ZFP64: variants seen among roughly 807,000 people sequenced by gnomAD.
The protein encoded by ZFP64 is ZFP64 zinc finger protein, also known as zinc finger protein 64.
Under a neutral mutation model 51.6 loss-of-function variants are expected in ZFP64, and 14 were observed. The observed-to-expected ratio is 0.27, with a 90% CI of 0.18 to 0.42. The LOEUF (loss-of-function observed/expected upper bound fraction) is 0.42, where lower values mean the gene tolerates loss of function less well. Among genes scored for constraint, ZFP64 ranks in the 10% least tolerant of loss-of-function variants. The pLI is 1.00. For synonymous variants in ZFP64, 375 were observed against 361.4 expected, an observed-to-expected ratio of 1.04 and a Z score of -0.43; for missense variants, 754 against 906.8, an observed-to-expected ratio of 0.83 and a Z score of 2.16.
At position 52,153,128 on chromosome 20, in the gene ZFP64, T is replaced by A; in HGVS notation, c.1064A>T (p.Lys355Met). The change falls in exon 6 of 6, where the codon AAG (lysine) becomes ATG (methionine). Residue 355 changes from lysine to methionine, a missense_variant. Lys to Met is a moderately conservative substitution (Grantham distance 95). Coordinates refer to ENST00000216923, the MANE Select transcript of ZFP64 (RefSeq NM_018197.3). The surrounding 1 kb of genome is among the most constrained non-coding windows in gnomAD (Gnocchi z 5.1). ...ACGCTCGTGGATGCGCAGGGCGGCC[T>A]TGCTGGAGCAGGAGTAGCTGCATTC... ...CSECSYSCSSKAALRIHERIH... is the reference protein window; with the variant it reads ...CSECSYSCSSMAALRIHERIH... 1 of 1,614,256 alleles carries A rather than the reference T, an allele frequency of 6.2e-7. No individual in the cohort carries two copies. Among genetic ancestry groups the A allele is most frequent in the Non-Finnish European group, 8.5e-7 (1 of 1,180,046 alleles).
intron 1 of ZFP64, among the ~76,000 whole-genome samples, chr20:52,188,534 C>T (rs976286057): frequency 1.1e-4 from 17 of 149,952 alleles, no homozygotes; most frequent in Non-Finnish European, 2.1e-4. Context: ...AGGATGGTCT[C>T]GATCTCCTGA....
chr20:52,091,216 G>C (rs1424411385), intron 7 of ZFP64, among the ~76,000 whole-genome samples: 2 of 151,904 alleles, frequency 1.3e-5, no homozygotes, highest in Non-Finnish European at 2.9e-5. Flanking sequence ...TTAAATTATA[G>C]GTCAGGTGCT....
intron 5 of ZFP64, among the ~76,000 whole-genome samples, chr20:52,115,358 A>ATAT (rs1169448030): frequency 2.6e-5 from 4 of 152,000 alleles, no homozygotes; most frequent in Non-Finnish European, 5.9e-5. Context: ...GGTGAAATAT[A>ATAT]TATTCACATA....
chr20:52,149,270 T>C (rs1291080720), downstream of ZFP64, among the ~76,000 whole-genome samples: 1 of 131,376 alleles, frequency 7.6e-6, no homozygotes, highest in South Asian at 2.4e-4. Context: ...TGAATCTACT[T>C]ACAGAAAAAA....
At chr20:52,190,894 T>C (rs768189842) in intron 1 of ZFP64, among the ~76,000 whole-genome samples, 4 of 151,954 alleles carry the variant, frequency 2.6e-5, no homozygotes, top group African/African-American at 7.3e-5. Flanking sequence ...ACCCCCGAGA[T>C]TGAATGGGTG....
intron 5 of ZFP64, among the ~76,000 whole-genome samples, chr20:52,098,792 A>G (rs967203529): frequency 6.6e-6 from 1 of 152,084 alleles, no homozygotes; most frequent in South Asian, 2.1e-4. Context: ...GCACGAGTTC[A>G]GGAGTTCGAG....
At chr20:52,098,927 G>C (rs763147252) in intron 5 of ZFP64, among the ~76,000 whole-genome samples, 2 of 151,452 alleles carry the variant, frequency 1.3e-5, no homozygotes, top group Non-Finnish European at 2.9e-5. Context: ...GCTGGAACCT[G>C]GGAGGCAGAG....
At chr20:52,163,922 T>C (rs923117460) in intron 4 of ZFP64, among the ~76,000 whole-genome samples, 5 of 152,222 alleles carry the variant, frequency 3.3e-5, no homozygotes, top group African/African-American at 1.2e-4. Flanking sequence ...TCTTTCTCTC[T>C]TCTTTTAAAA....
rs753983765 is a variant in ZFP64 at position 52,152,467 on chromosome 20, C to A, written c.1725G>T (p.Glu575Asp). The change falls in exon 6 of 6, where the codon GAG (glutamate) becomes GAT (aspartate). Residue 575 changes from glutamate to aspartate, a missense_variant. By Grantham distance (45) the Glu-to-Asp change is conservative. Around this residue, in one of 3 missense-constraint regions of ZFP64, gnomAD observed 428 missense variants for 472.4 expected, o/e 0.91. Coordinates refer to ENST00000216923, the MANE Select transcript of ZFP64 (RefSeq NM_018197.3). ...TQPAVLLTTH[E>D]QTDGATLHQT... is the part of the protein sequence containing the mutation. Reference sequence around the variant, plus strand: ...GGTGCAGAGTGGCTCCGTCCGTCTGCTCGTGGGTGGTCAGCAGGACAGCCG... The same window carrying A: ...GGTGCAGAGTGGCTCCGTCCGTCTGATCGTGGGTGGTCAGCAGGACAGCCG... 3.3e-5 allele frequency: 53 copies of A among 1,613,220 alleles called. No homozygotes were observed. The highest frequency in any genetic ancestry group is 4.3e-5 in the Non-Finnish European group (51 of 1,179,732).
At position 52,165,873 on chromosome 20, in the gene ZFP64, AAC is replaced by A; in HGVS notation, c.437_438del (p.Cys146LeufsTer30). 1 of 1,614,090 alleles carries A rather than the reference AAC, an allele frequency of 6.2e-7. No homozygotes were observed. Among genetic ancestry groups the A allele is most frequent in the Non-Finnish European group, 8.5e-7 (1 of 1,179,950 alleles). On this transcript the variant is annotated frameshift_variant, in exon 3 of 6. Transcript: ENST00000216923. LOFTEE classifies it high-confidence loss of function. Reference protein sequence around the residue: ...TTPPAQKRLNCCYPGCQFKTA... With the variant: ...TTPPAQKRLNXCYPGCQFKTA... ...ATAATGCTGCCTTTACCTGGATAGCAACAGTTAAGCCTTTTCTGAGCAGGTGG... is the reference window on the plus strand; with the variant it reads ...ATAATGCTGCCTTTACCTGGATAGCAAGTTAAGCCTTTTCTGAGCAGGTGG...
rs1166875135 is a variant in ZFP64 at position 52,160,936 on chromosome 20, CA to C, written c.512-563del. Among the ~76,000 whole-genome samples the C allele has an allele frequency of 1.3e-5, 2 of 152,046 alleles. No individual in the cohort carries two copies. Among genetic ancestry groups the C allele is most frequent in the African/African-American group, 4.8e-5 (2 of 41,408 alleles). ...CATTTTCTCTTTTCCTGCTTCTAGC[CA>C]AGGCATGGGGATAAGGCAGCAGGTG... On this transcript the variant is annotated intron_variant, in intron 4 of 5. Coordinates refer to ENST00000216923, the MANE Select transcript of ZFP64 (RefSeq NM_018197.3). The surrounding 1 kb of genome is among the most constrained non-coding windows in gnomAD (Gnocchi z 4.2).
chr20:52,120,117 T>C (rs938612006), intron 5 of ZFP64, among the ~76,000 whole-genome samples: 17 of 152,232 alleles, frequency 1.1e-4, no homozygotes, highest in African/African-American at 3.9e-4. Flanking sequence ...CCTTCCACCA[T>C]GTGTGGACAC....
chr20:52,152,177 A>G lies in ZFP64; in HGVS notation c.2015T>C (p.Leu672Ser). ...TGGAATGGAGTCGGCGGGACAGAGCAAAGCTGGATGGGCTGCCCCTTGAAT... is the reference window on the plus strand; with the variant it reads ...TGGAATGGAGTCGGCGGGACAGAGCGAAGCTGGATGGGCTGCCCCTTGAAT... The part of the protein sequence containing the change: ...SIIQGAAHPA[L>S]LCPADSIPD The change falls in exon 6 of 6, where the codon TTG becomes TCG. Residue 672 changes from leucine (L) to serine (S), a missense_variant. Leu to Ser is a moderately radical substitution (Grantham distance 145, BLOSUM62 -2). Transcript: ENST00000216923. 6.2e-7 allele frequency: 1 copy of G among 1,614,148 alleles called. No individual in the cohort carries two copies.
At chr20:52,179,143 A>C (rs568188966) in intron 2 of ZFP64, among the ~76,000 whole-genome samples, 102 of 152,246 alleles carry the variant, frequency 6.7e-4, no homozygotes, top group African/African-American at 2.0e-3. Flanking sequence ...GAGTCTTATG[A>C]GAGCTGATGG....
chr20:52,175,415 G>A (rs1014613513), intron 2 of ZFP64, among the ~76,000 whole-genome samples: 4 of 152,082 alleles, frequency 2.6e-5, no homozygotes, highest in African/African-American at 7.2e-5. Context: ...GCGCCACCGC[G>A]CCCAGCAGGA....
At chr20:52,146,052 A>G (rs1980508354) in intron 5 of ZFP64, among the ~76,000 whole-genome samples, 1 of 151,792 alleles carries the variant, frequency 6.6e-6, no homozygotes, top group Admixed American at 6.6e-5. Flanking sequence ...TTTCTATTTT[A>G]TTTTTTTCTT....
At chr20:52,190,781 C>G (rs1188794469) in intron 1 of ZFP64, among the ~76,000 whole-genome samples, 2 of 152,186 alleles carry the variant, frequency 1.3e-5, no homozygotes, top group Non-Finnish European at 2.9e-5. Flanking sequence ...TGGGAGCTTA[C>G]TATGTGCCAG....
At chr20:52,163,163 C>T (rs939053115) in intron 4 of ZFP64, among the ~76,000 whole-genome samples, 4 of 152,138 alleles carry the variant, frequency 2.6e-5, no homozygotes, top group African/African-American at 9.7e-5. Flanking sequence ...GAGTTCGAGA[C>T]TAGCCTGACC....
intron 5 of ZFP64, among the ~76,000 whole-genome samples, chr20:52,122,372 G>A (rs1455741140): frequency 1.3e-5 from 2 of 152,034 alleles, no homozygotes; most frequent in Non-Finnish European, 2.9e-5. Context: ...CGGGTGTGGT[G>A]GCCGGCGCCT....
Sources: allele counts gnomAD v4.1 joint callset (sites outside exome capture counted in the v4.1 genomes callset), GRCh38; gene constraint gnomAD v4.1.1; regional missense constraint gnomAD v4.1.1; non-coding constraint Gnocchi (gnomAD v3.1); transcripts MANE v1.5; gene names NCBI Gene and HGNC (gene_info 2026-07-23, HGNC 2026-07-21).